MTSS2: variants seen among roughly 807,000 people sequenced by gnomAD.
The protein encoded by MTSS2 is protein MTSS 2.
Under a neutral mutation model 67.1 loss-of-function variants are expected in MTSS2, and 27 were observed. The observed-to-expected ratio is 0.40, with a 90% confidence interval of 0.30 to 0.55. The LOEUF (loss-of-function observed/expected upper bound fraction) is 0.55. Ranked by LOEUF, MTSS2 falls within the 20% of genes least tolerant of loss-of-function variation. The pLI is 0.43. For missense variants in MTSS2, 1,171 were observed against 1,067.8 expected (o/e 1.10, Z -1.35); for synonymous variants, 624 against 468.6 (o/e 1.33, Z -4.28).
At position 70,664,967 on chromosome 16, in the gene MTSS2, C is replaced by G. The variant is rs1430188436; in HGVS notation, c.1258G>C (p.Glu420Gln). ...ASGGTLGPSGEEAPRPRMSPA... is the reference protein window; with the variant it reads ...ASGGTLGPSGQEAPRPRMSPA... ...GACATCCGGGGTCGCGGTGCCTCTT[C>G]CCCGCTGGGGCCCAGGGTGCCCCCA... Residue 420 changes from glutamate to glutamine, a missense_variant, in exon 13 of 15, where the codon GAA (glutamate) becomes CAA (glutamine). Around this residue, in one of 2 missense-constraint regions of MTSS2, gnomAD observed 924 missense variants for 756.0 expected, o/e 1.22. Coordinates refer to ENST00000338779, the MANE Select transcript of MTSS2 (RefSeq NM_138383.3). 6.3e-7 allele frequency: 1 copy of G among 1,577,548 alleles called. No individual in the cohort carries two copies.
At chr16:70,669,948 G>C (rs150573290) in intron 11 of MTSS2, among the ~76,000 whole-genome samples, 1 of 151,970 alleles carries the variant, frequency 6.6e-6, no homozygotes, top group Non-Finnish European at 1.5e-5. Context: ...AATGCCAAGC[G>C]CTGGTGAGGA....
At chr16:70,678,702 G>A (rs1414232426) in intron 7 of MTSS2, among the ~76,000 whole-genome samples, 3 of 152,188 alleles carry the variant, frequency 2.0e-5, no homozygotes, top group Non-Finnish European at 4.4e-5. Flanking sequence ...CTGCCAACAC[G>A]GAGACTCGCT....
At chr16:70,682,420 T>TGCTA (rs1298972084) in intron 1 of MTSS2, among the ~76,000 whole-genome samples, 2 of 152,038 alleles carry the variant, frequency 1.3e-5, no homozygotes, top group African/African-American at 4.8e-5. Context: ...CTTGAAACCT[T>TGCTA]GCTAAGATCT....
At chr16:70,667,730 C>A (rs572424208) in intron 11 of MTSS2, among the ~76,000 whole-genome samples, 2 of 151,810 alleles carry the variant, frequency 1.3e-5, no homozygotes, top group East Asian at 1.9e-4. Context: ...AAAATTAGCC[C>A]GGCGTGGTGG....
At chr16:70,665,741 C>T (rs1349673482) in intron 11 of MTSS2, 6 of 526,076 alleles carry the variant, frequency 1.1e-5, no homozygotes, top group Admixed American at 9.9e-5. Flanking sequence ...AGAGTGCACA[C>T]GGTGAACGCT....
At chr16:70,679,606 C>G (rs749299270) in intron 6 of MTSS2, 24 bp downstream of exon 6, 1 of 1,579,444 alleles carries the variant, frequency 6.3e-7, no homozygotes, top group Non-Finnish European at 8.6e-7. Flanking sequence ...GGGGCTGTGG[C>G]TGGGGGGCCG....
rs567181260 is a variant in MTSS2 at position 70,679,197 on chromosome 16, C to T, written c.466+118G>A. 150 of 1,347,610 alleles carry T rather than the reference C, an allele frequency of 1.1e-4. No homozygotes were observed. In the East Asian group the frequency reaches 3.1e-3, roughly 28 times the overall value. 83.5% of individuals were successfully genotyped at this position (1,347,610 alleles called of 1,614,324 possible). On this transcript the variant is annotated intron_variant, in intron 7 of 14. Coordinates refer to ENST00000338779, the MANE Select transcript of MTSS2 (RefSeq NM_138383.3). Reference sequence around the variant, plus strand: ...CCAGGCCCCTCCCTCGTGGACCGACCGCCTTCCTCGCTTCTCCTTGGCCTG... The same window carrying T: ...CCAGGCCCCTCCCTCGTGGACCGACTGCCTTCCTCGCTTCTCCTTGGCCTG...
chr16:70,665,472 G>T lies in MTSS2; in HGVS notation c.1122C>A (p.Pro374=), dbSNP rs749000410. 6 of 1,555,122 alleles carry T rather than the reference G, an allele frequency of 3.9e-6. No individual in the cohort carries two copies. Among genetic ancestry groups the T allele is most frequent in the East Asian group, 2.4e-5 (1 of 41,450 alleles). ...CCGGGCTGGGAGCACTGACCGAGGT[G>T]GGGGAGCTGCACTCGCTAACGGACT... is the stretch of plus-strand genomic sequence containing the variant. The part of the protein sequence containing the change: ...TCQSVSECSS[P]TSDWSKVGSH... Residue 374 remains proline, a synonymous_variant, in exon 12 of 15, where the codon CCC becomes CCA. Transcript: ENST00000338779.
Position 70,661,456 on chromosome 16 carries a change from T to TAAC in MTSS2, c.*2218_*2220dup, listed in dbSNP as rs962975247. On this transcript the variant is annotated 3_prime_UTR_variant, in exon 15 of 15. Coordinates refer to ENST00000338779, the MANE Select transcript of MTSS2 (RefSeq NM_138383.3). Reference sequence around the variant, plus strand: ...GAATAAATTAAAAAAAGGAACGAGTTAACAACAGCACCAGGAAAGTTACTT... The same window carrying TAAC: ...GAATAAATTAAAAAAAGGAACGAGTTAACAACAACAGCACCAGGAAAGTTACTT... 5.4e-6 allele frequency: 2 copies of TAAC among 368,376 alleles called. No homozygotes were observed. Among genetic ancestry groups the TAAC allele is most frequent in the East Asian group, 7.7e-5 (1 of 12,946 alleles). The allele number at this position is 368,376 out of a possible 1,614,324, so 22.8% of individuals were successfully genotyped here.
intron 1 of MTSS2, 151 bp from the exon 2 acceptor site, chr16:70,681,176 G>C: frequency 2.8e-6 from 2 of 701,844 alleles, no homozygotes; most frequent in Non-Finnish European, 4.7e-6. Context: ...GGGTCCTCTC[G>C]GAGGGCAGAG....
Position 70,664,900 on chromosome 16 carries a change from G to C in MTSS2, c.1305+20C>G. 1 of 1,530,618 alleles carries C rather than the reference G, an allele frequency of 6.5e-7. No homozygotes were observed. Among genetic ancestry groups the C allele is most frequent in the Non-Finnish European group, 8.8e-7 (1 of 1,142,328 alleles). The allele number at this position is 1,530,618 out of a possible 1,614,324, so 94.8% of individuals were successfully genotyped here. A position where few individuals can be genotyped will look rare whatever the true frequency, so the allele number is the denominator to read the frequency against. ...TCCTGGGACTGACCTGGGCGTGAAG[G>C]GGGGCCCTGGCCAGCCTACCTTGGC... On this transcript the variant is annotated intron_variant, in intron 13 of 14. Coordinates refer to ENST00000338779, the MANE Select transcript of MTSS2 (RefSeq NM_138383.3).
At chr16:70,667,532 C>T (rs1304835946) in intron 11 of MTSS2, among the ~76,000 whole-genome samples, 1 of 152,022 alleles carries the variant, frequency 6.6e-6, no homozygotes, top group African/African-American at 2.4e-5. Flanking sequence ...ACACTAAATA[C>T]CTAGGGAAAA....
Position 70,679,808 on chromosome 16 carries a change from C to T in MTSS2, c.360G>A (p.Gln120=), listed in dbSNP as rs780753231. 1 of 1,610,210 alleles carries T rather than the reference C, an allele frequency of 6.2e-7. No individual in the cohort carries two copies. Among genetic ancestry groups the T allele is most frequent in the South Asian group, 1.1e-5 (1 of 90,908 alleles). The stretch of plus-strand genomic sequence containing the variant: ...CACCTTTCGCGTGGTCCTTGTCCAG[C>T]TGGTTGGCCGCCTTCTTCCAGTCCT... The part of the protein sequence containing the change: ...RIEDWKKAAN[Q]LDKDHAKEYK... Residue 120 remains glutamine, a synonymous_variant, in exon 5 of 15, where the codon CAG becomes CAA. Coordinates refer to ENST00000338779, the MANE Select transcript of MTSS2 (RefSeq NM_138383.3).
intron 1 of MTSS2, among the ~76,000 whole-genome samples, 196 bp downstream of exon 1, chr16:70,685,527 G>A (rs2053426548): frequency 6.6e-6 from 1 of 151,916 alleles, no homozygotes; most frequent in East Asian, 1.9e-4. Context: ...CGGACACCCC[G>A]ACACACGAGC....
At position 70,664,112 on chromosome 16, in the gene MTSS2, G is replaced by A; in HGVS notation, c.1809C>T (p.Gly603=). The A allele has an allele frequency of 6.2e-7, 1 of 1,611,746 alleles. No homozygotes were observed. Among genetic ancestry groups the A allele is most frequent in the Non-Finnish European group, 8.5e-7 (1 of 1,179,708 alleles). Residue 603 remains glycine, a synonymous_variant, in exon 15 of 15, where the codon GGC becomes GGT. Coordinates refer to ENST00000338779, the MANE Select transcript of MTSS2 (RefSeq NM_138383.3). ...TGCCCGCCCGTGTGGGCCCCATGTA[G>A]CCGGGGGAGTCAGGCACCGTGGGCG... ...VKTPTVPDSP[G]YMGPTRAGSE...
intron 11 of MTSS2, 118 bp downstream of exon 11, chr16:70,674,188 G>A: frequency 1.3e-6 from 1 of 780,282 alleles, no homozygotes; most frequent in Non-Finnish European, 2.0e-6. Context: ...GGGCCTTCAG[G>A]CCAGTCTCAA....
Position 70,664,683 on chromosome 16 carries a change from G to A in MTSS2, c.1386C>T (p.Ser462=). 6.2e-7 allele frequency: 1 copy of A among 1,613,324 alleles called. No individual in the cohort carries two copies. The highest frequency in any genetic ancestry group is 8.5e-7 in the Non-Finnish European group (1 of 1,179,888). Residue 462 remains serine (S), a synonymous_variant, in exon 14 of 15, where the codon AGC becomes AGT. Coordinates refer to ENST00000338779, the MANE Select transcript of MTSS2 (RefSeq NM_138383.3). Reference sequence around the variant, plus strand: ...TGGAGTACTGCAGCGAGTCCCGGCTGCTCTTCTGGTGCTCCAGGCTCAGGC... The same window carrying A: ...TGGAGTACTGCAGCGAGTCCCGGCTACTCTTCTGGTGCTCCAGGCTCAGGC... ...TRGLSLEHQK[S]SRDSLQYSSG...
Position 70,678,245 on chromosome 16 carries a change from G to C in MTSS2, c.624+7C>G, listed in dbSNP as rs2053183730. On this transcript the variant is annotated splice_region_variant and intron_variant, in intron 8 of 14. Transcript: ENST00000338779. ...CCCTCTGGGGTCTGAGTCCCCAGGA[G>C]TCCCACCACCACAGGCTGCAGGAAG... 2.5e-6 allele frequency: 4 copies of C among 1,603,296 alleles called. No homozygotes were observed. Among genetic ancestry groups the C allele is most frequent in the Non-Finnish European group, 3.4e-6 (4 of 1,175,460 alleles).
At chr16:70,666,254 C>T (rs2052710120) in intron 11 of MTSS2, among the ~76,000 whole-genome samples, 1 of 152,066 alleles carries the variant, frequency 6.6e-6, no homozygotes, top group South Asian at 2.1e-4. Flanking sequence ...ACAGGGTGTC[C>T]ATGGAGACCC....
Sources: allele counts gnomAD v4.1 joint callset (sites outside exome capture counted in the v4.1 genomes callset), GRCh38; gene constraint gnomAD v4.1.1; regional missense constraint gnomAD v4.1.1; transcripts MANE v1.5; gene names NCBI Gene and HGNC (gene_info 2026-07-23, HGNC 2026-07-21).